CPZ: variants seen among roughly 807,000 people sequenced by gnomAD.
The protein encoded by CPZ is carboxypeptidase Z.
CPZ carries 103 observed loss-of-function variants against 61.8 expected under a neutral mutation model. The observed-to-expected ratio is 1.67, with a 90% CI of 1.42 to 1.96. The LOEUF (loss-of-function observed/expected upper bound fraction) is 1.96. Ranked by LOEUF, CPZ falls within the 30% of genes most tolerant of loss-of-function variation. CPZ has a pLI of 0.00. For missense variants in CPZ, 1,461 were observed against 914.9 expected (o/e 1.60, Z -7.70); for synonymous variants, 551 against 373.7 (o/e 1.47, Z -5.47).
intron 4 of CPZ, among the ~76,000 whole-genome samples, chr4:8,605,312 A>G (rs1450523427): frequency 1.7e-5 from 2 of 116,876 alleles, no homozygotes; most frequent in African/African-American, 8.4e-5. Flanking sequence ...CCTATAGTCC[A>G]TTCATTTATT....
chr4:8,613,277 G>T (rs7700019), intron 8 of CPZ, among the ~76,000 whole-genome samples: 1 of 151,836 alleles, frequency 6.6e-6, no homozygotes, highest in East Asian at 1.9e-4. Flanking sequence ...GATTACAGGC[G>T]CCCACCACCA....
chr4:8,604,049 C>T lies in CPZ; in HGVS notation c.570C>T (p.Tyr190=), dbSNP rs537441827. 101 of 1,612,108 alleles carry T rather than the reference C, an allele frequency of 6.3e-5. No individual in the cohort carries two copies. The Middle Eastern group carries it at 8.3e-4, about 13-fold the overall frequency. Residue 190 remains tyrosine (Y), a synonymous_variant, in exon 4 of 11, where the codon TAC becomes TAT. Transcript: ENST00000360986. ...PTFIRFSHHS[Y]AQMVRVLRRT... ...TCATCCGCTTCAGCCACCACTCCTA[C>T]GCCCAGATGGTGCGTGTGCTGAGGC...
rs181508740 is a variant in CPZ at position 8,611,758 on chromosome 4, T to G, written c.1228-269T>G. Among the ~76,000 whole-genome samples, 48 of 152,038 alleles carry G rather than the reference T, an allele frequency of 3.2e-4. No homozygotes were observed. In the East Asian group the frequency reaches 9.1e-3, roughly 29 times the overall value. On this transcript the variant is annotated intron_variant, in intron 7 of 10. Coordinates refer to ENST00000360986, the MANE Select transcript of CPZ (RefSeq NM_001014447.3). ...AGAAAGCCCACACTACCCGGCCAGG[T>G]GTGCAGAGTCTCGGTGATTACCCCA... is the stretch of plus-strand genomic sequence containing the variant.
intron 8 of CPZ, 139 bp downstream of exon 8, chr4:8,612,301 T>C: frequency 2.8e-6 from 2 of 720,842 alleles, no homozygotes; most frequent in South Asian, 2.1e-5. Flanking sequence ...CCTCACCTGG[T>C]GGAGAGGAGG....
chr4:8,611,000 TCATTCACTCAC>T (rs1366937562), intron 7 of CPZ, among the ~76,000 whole-genome samples: 38 of 89,306 alleles, frequency 4.3e-4, no homozygotes, highest in Admixed American at 2.6e-3. Flanking sequence ...ACTCTTTCAC[TCATTCACTCAC>T]TCATTCACTC....
chr4:8,595,380 G>GA (rs1475416117), intron 1 of CPZ, among the ~76,000 whole-genome samples: 1 of 152,174 alleles, frequency 6.6e-6, no homozygotes, highest in African/African-American at 2.4e-5. Flanking sequence ...TTGGGGTGGG[G>GA]AAGCAATGGT....
At chr4:8,618,655 G>C (rs1716418393) in intron 10 of CPZ, 127 bp downstream of exon 10, 3 of 875,264 alleles carry the variant, frequency 3.4e-6, no homozygotes, top group East Asian at 2.7e-5. Flanking sequence ...TTCCTCCCCA[G>C]GCTGGCTGGG....
Position 8,619,586 on chromosome 4 carries a change from C to A in CPZ, c.1928C>A (p.Thr643Asn). 6.6e-7 allele frequency: 1 copy of A among 1,518,326 alleles called. No individual in the cohort carries two copies. The allele number at this position is 1,518,326 out of a possible 1,614,324, so 94.1% of individuals were successfully genotyped here. The change falls in exon 11 of 11, where the codon ACC becomes AAC. Residue 643 changes from threonine (T) to asparagine (N), a missense_variant. Thr to Asn is a moderately conservative substitution (Grantham distance 65). Coordinates refer to ENST00000360986, the MANE Select transcript of CPZ (RefSeq NM_001014447.3). ...TGGTCCTACTTCACATCGCTGAGCACCCACAGGCCACGCTGGCTGCTCAAG... is the reference window on the plus strand; with the variant it reads ...TGGTCCTACTTCACATCGCTGAGCAACCACAGGCCACGCTGGCTGCTCAAG... ...WWWSYFTSLS[T>N]HRPRWLLKY
intron 7 of CPZ, 56 bp downstream of exon 7, chr4:8,607,481 G>A (rs1192958198): frequency 1.3e-6 from 2 of 1,577,500 alleles, no homozygotes; most frequent in Non-Finnish European, 1.7e-6. Flanking sequence ...CGGTCCCCTT[G>A]GAGCTGGTGC....
chr4:8,598,140 G>T (rs1714314487), intron 1 of CPZ, among the ~76,000 whole-genome samples: 2 of 152,224 alleles, frequency 1.3e-5, no homozygotes, highest in Non-Finnish European at 2.9e-5. Flanking sequence ...GGATGGAAAC[G>T]GGAGCTCTCC....
intron 8 of CPZ, 108 bp from the exon 9 acceptor site, chr4:8,614,251 G>A: frequency 1.4e-6 from 2 of 1,456,348 alleles, no homozygotes; most frequent in South Asian, 2.7e-5. Context: ...TCTCTGCGCG[G>A]CTGACACCCC....
At chr4:8,605,880 A>T in intron 4 of CPZ, 109 bp from the exon 5 acceptor site, 1 of 1,073,938 alleles carries the variant, frequency 9.3e-7, no homozygotes, top group Non-Finnish European at 1.3e-6. Context: ...CAAAACAAGT[A>T]TGAATTGGTC....
Position 8,607,513 on chromosome 4 carries a change from G to A in CPZ, c.1227+88G>A, listed in dbSNP as rs1219974221. 3.4e-6 allele frequency: 5 copies of A among 1,469,422 alleles called. No individual in the cohort carries two copies. The Admixed American group carries it at 7.9e-5, about 23-fold the overall frequency. The allele number at this position is 1,469,422 out of a possible 1,614,324, so 91.0% of individuals were successfully genotyped here. A position where few individuals can be genotyped will look rare whatever the true frequency, so the allele number is the denominator to read the frequency against. ...GTGCCCCTCCAGTCCTGAGCTCAGTGAAGGCAAAGCTCCTAGGAACCTCTA... is the reference window on the plus strand; with the variant it reads ...GTGCCCCTCCAGTCCTGAGCTCAGTAAAGGCAAAGCTCCTAGGAACCTCTA... On this transcript the variant is annotated intron_variant, in intron 7 of 10. Coordinates refer to ENST00000360986, the MANE Select transcript of CPZ (RefSeq NM_001014447.3).
intron 8 of CPZ, among the ~76,000 whole-genome samples, chr4:8,613,944 T>C (rs1715930794): frequency 6.6e-6 from 1 of 152,252 alleles, no homozygotes; most frequent in South Asian, 2.1e-4. Context: ...TGCCCCGTGC[T>C]GTGGGCTTTT....
In CPZ at chr4:8,614,352, G is replaced by A. The variant is rs1242353695; in HGVS notation, c.1364-7G>A. 19 of 1,611,866 alleles carry A rather than the reference G, an allele frequency of 1.2e-5. No individual in the cohort carries two copies. Among genetic ancestry groups the A allele is most frequent in the South Asian group, 3.3e-5 (3 of 90,784 alleles). Reference sequence around the variant, plus strand: ...CCCCTGACGTCCCCGCTGTCTCTGTGCCACAGGCATGTCCGATTTCAACTA... The same window carrying A: ...CCCCTGACGTCCCCGCTGTCTCTGTACCACAGGCATGTCCGATTTCAACTA... On this transcript the variant is annotated splice_polypyrimidine_tract_variant and splice_region_variant and intron_variant, in intron 8 of 10. Coordinates refer to ENST00000360986, the MANE Select transcript of CPZ (RefSeq NM_001014447.3).
intron 7 of CPZ, 110 bp from the exon 8 acceptor site, chr4:8,611,917 C>G: frequency 6.8e-7 from 1 of 1,465,206 alleles, no homozygotes. Context: ...TTCCCCTCTC[C>G]TATCTGCAAT....
At chr4:8,618,147 A>C (rs1716357844) in intron 9 of CPZ, 3 of 439,134 alleles carry the variant, frequency 6.8e-6, no homozygotes, top group Admixed American at 3.8e-5. Context: ...TTCTCTGCTC[A>C]ATGCCCATAG....
At chr4:8,597,008 G>T (rs991798819) in intron 1 of CPZ, among the ~76,000 whole-genome samples, 3 of 152,202 alleles carry the variant, frequency 2.0e-5, no homozygotes, top group Non-Finnish European at 4.4e-5. Context: ...GTGCCAGCCG[G>T]GCACCGTCAG....
Position 8,619,481 on chromosome 4 carries a change from G to A in CPZ, c.1823G>A (p.Ser608Asn). The change falls in exon 11 of 11, where the codon AGC becomes AAC. Residue 608 changes from serine to asparagine, a missense_variant. By Grantham distance (46) the Ser-to-Asn change is conservative. Coordinates refer to ENST00000360986, the MANE Select transcript of CPZ (RefSeq NM_001014447.3). Reference sequence around the variant, plus strand: ...CCCCACGACCCACTGGGAGGTGCCAGCTCTTTGGGGGAGGCCACGGAGCCC... The same window carrying A: ...CCCCACGACCCACTGGGAGGTGCCAACTCTTTGGGGGAGGCCACGGAGCCC... ...TGPHDPLGGA[S>N]SLGEATEPDP... 2 of 1,609,332 alleles carry A rather than the reference G, an allele frequency of 1.2e-6. No individual in the cohort carries two copies. The highest frequency in any genetic ancestry group is 1.7e-6 in the Non-Finnish European group (2 of 1,176,866).
Sources: gnomAD v4.1 joint callset for allele counts (sites outside exome capture counted in the v4.1 genomes callset) on GRCh38, gnomAD v4.1.1 for gene constraint, MANE v1.5 for transcripts, NCBI Gene and HGNC (gene_info 2026-07-23, HGNC 2026-07-21) for gene names.